SUPT3H: variants seen among roughly 807,000 people sequenced by gnomAD.
The protein encoded by SUPT3H is transcription initiation protein SPT3 homolog.
In SUPT3H, 44 loss-of-function variants were observed where a neutral mutation model predicts 44.3. The ratio of observed to expected loss-of-function variants is 0.99; its 90% confidence interval spans 0.78 to 1.28. The LOEUF (loss-of-function observed/expected upper bound fraction) is 1.28, where lower values mean the gene tolerates loss of function less well. Among genes scored for constraint, SUPT3H ranks in the 50% most tolerant of loss-of-function variants. The probability of loss-of-function intolerance (pLI) is 0.00; values close to 1 mark genes in which losing one functional copy is unlikely to be tolerated. For synonymous variants in SUPT3H, 124 were observed against 125.6 expected, an observed-to-expected ratio of 0.99 and a Z score of 0.09; for missense variants, 380 against 387.1, an observed-to-expected ratio of 0.98 and a Z score of 0.15.
intron 10 of SUPT3H, among the ~76,000 whole-genome samples, chr6:44,891,558 A>G (rs1158658886): frequency 6.6e-6 from 1 of 152,138 alleles, no homozygotes; most frequent in African/African-American, 2.4e-5. Context: ...AAATTCTTAT[A>G]GATAGAAAGT....
At chr6:44,889,793 A>T (rs1419307071) in intron 10 of SUPT3H, among the ~76,000 whole-genome samples, 1 of 152,208 alleles carries the variant, frequency 6.6e-6, no homozygotes, top group Non-Finnish European at 1.5e-5. Flanking sequence ...GCTTCTGCAC[A>T]GCAAAAGAAA....
At chr6:45,273,294 G>T (rs114926634) in intron 2 of SUPT3H, among the ~76,000 whole-genome samples, 1 of 151,972 alleles carries the variant, frequency 6.6e-6, no homozygotes, top group African/African-American at 2.4e-5. Context: ...TCACAGCATC[G>T]CCTCATCCCT....
chr6:45,120,784 T>G (rs1226513710), intron 2 of SUPT3H, among the ~76,000 whole-genome samples: 1 of 152,134 alleles, frequency 6.6e-6, no homozygotes, highest in South Asian at 2.1e-4. Flanking sequence ...GGGTAAATAT[T>G]AAAGCTACAA....
intron 2 of SUPT3H, chr6:45,322,760 T>C (rs749121930): frequency 4.2e-6 from 3 of 710,226 alleles, no homozygotes; most frequent in Non-Finnish European, 4.9e-6. Flanking sequence ...AAAATAAGCC[T>C]ACAATAACTA....
intron 10 of SUPT3H, among the ~76,000 whole-genome samples, chr6:44,881,524 T>C (rs1006412108): frequency 1.3e-5 from 2 of 152,186 alleles, no homozygotes; most frequent in African/African-American, 2.4e-5. Context: ...AACTCAGCTC[T>C]GGACCAAGTG....
intron 2 of SUPT3H, among the ~76,000 whole-genome samples, chr6:45,174,860 C>A (rs1024152181): frequency 1.6e-4 from 24 of 151,502 alleles, no homozygotes; most frequent in African/African-American, 5.8e-4. Context: ...TCATTAATTT[C>A]TCCTTACACA....
At chr6:45,141,338 CAAAAAAAA>C (rs1162738855) in intron 2 of SUPT3H, among the ~76,000 whole-genome samples, 126 of 45,292 alleles carry the variant, frequency 2.8e-3, no homozygotes, top group African/African-American at 0.013. Flanking sequence ...GACTCCATCT[CAAAAAAAA>C]AAAAAAAAAA....
At chr6:45,230,539 G>A (rs1343990809) in intron 2 of SUPT3H, among the ~76,000 whole-genome samples, 3 of 136,126 alleles carry the variant, frequency 2.2e-5, no homozygotes, top group African/African-American at 8.6e-5. Flanking sequence ...GCTCACTTTT[G>A]GTTTCTGTTT....
intron 3 of SUPT3H, among the ~76,000 whole-genome samples, chr6:45,104,102 A>G (rs578088606): frequency 1.5e-4 from 23 of 152,260 alleles, no homozygotes; most frequent in African/African-American, 5.5e-4. Flanking sequence ...ATGAAGGAAA[A>G]GACTGAAATG....
chr6:45,200,686 TTAAG>T, intron 2 of SUPT3H, among the ~76,000 whole-genome samples: 1 of 151,592 alleles, frequency 6.6e-6, no homozygotes, highest in South Asian at 2.1e-4. Context: ...CACACAGTTA[TTAAG>T]TGACAGTTTG....
chr6:44,967,763 T>A (rs993692745), intron 6 of SUPT3H, among the ~76,000 whole-genome samples: 1 of 152,030 alleles, frequency 6.6e-6, no homozygotes, highest in Non-Finnish European at 1.5e-5. Flanking sequence ...AAGATGAGAG[T>A]ATCTGCTCTC....
chr6:45,346,739 A>AT (rs1339578349), intron 2 of SUPT3H, among the ~76,000 whole-genome samples: 53 of 151,674 alleles, frequency 3.5e-4, no homozygotes, highest in African/African-American at 1.3e-3. Context: ...TAATTTTTAT[A>AT]TTTTTTTAGT....
intron 2 of SUPT3H, among the ~76,000 whole-genome samples, chr6:45,190,345 G>T (rs868458374): frequency 9.2e-5 from 14 of 152,122 alleles, no homozygotes; most frequent in Middle Eastern, 3.4e-3. Context: ...AATTCTCATT[G>T]GCCCAAAGAA....
intron 2 of SUPT3H, among the ~76,000 whole-genome samples, chr6:45,152,992 T>G (rs1040414649): frequency 6.6e-6 from 1 of 152,108 alleles, no homozygotes; most frequent in Admixed American, 6.6e-5. Context: ...AATACATTCC[T>G]CCCTAAACAT....
chr6:44,939,630 G>A (rs1772076749), intron 9 of SUPT3H, among the ~76,000 whole-genome samples: 1 of 151,992 alleles, frequency 6.6e-6, no homozygotes, highest in East Asian at 1.9e-4. Flanking sequence ...AGGTTCAGGA[G>A]GACTGGTATT....
intron 2 of SUPT3H, among the ~76,000 whole-genome samples, chr6:45,141,359 A>AAAG (rs1805169541): frequency 2.7e-5 from 4 of 150,098 alleles, no homozygotes; most frequent in African/African-American, 9.7e-5. Context: ...AAAAAAAAAA[A>AAAG]AAAAGAAAAG....
intron 10 of SUPT3H, among the ~76,000 whole-genome samples, chr6:44,904,700 T>G (rs1247913952): frequency 6.6e-6 from 1 of 152,036 alleles, no homozygotes; most frequent in Non-Finnish European, 1.5e-5. Context: ...AAAAAAGAGC[T>G]TGCACCGCGA....
intron 3 of SUPT3H, among the ~76,000 whole-genome samples, chr6:45,036,299 AG>A (rs1480507922): frequency 6.6e-6 from 1 of 152,124 alleles, no homozygotes; most frequent in Non-Finnish European, 1.5e-5. Context: ...CAAAGGGAAT[AG>A]GAAGTGCAAA....
intron 5 of SUPT3H, 28 bp from the exon 6 acceptor site, chr6:45,003,820 A>C (rs1782344446): frequency 6.2e-7 from 1 of 1,612,150 alleles, no homozygotes; most frequent in South Asian, 1.1e-5. Flanking sequence ...AAAGAAAAAA[A>C]GAAATGTTCT....
Sources: gnomAD v4.1 joint callset for allele counts (sites outside exome capture counted in the v4.1 genomes callset) on GRCh38, gnomAD v4.1.1 for gene constraint, MANE v1.5 for transcripts, NCBI Gene and HGNC (gene_info 2026-07-23, HGNC 2026-07-21) for gene names.